ADGRB3: variants seen among roughly 807,000 people sequenced by gnomAD.
ADGRB3 encodes the protein brain-specific angiogenesis inhibitor 3.
A neutral mutation model predicts 193.4 loss-of-function variants in ADGRB3; 37 were observed. The ratio of observed to expected loss-of-function variants is 0.19; its 90% confidence interval spans 0.15 to 0.25. The LOEUF is 0.25. Among genes scored for constraint, ADGRB3 ranks in the 10% least tolerant of loss-of-function variants. The pLI, the probability that ADGRB3 is intolerant of heterozygous loss-of-function variation, is 1.00. For missense variants in ADGRB3, 1,637 were observed against 1,852.9 expected (o/e 0.88, Z 2.14); for synonymous variants, 690 against 644.2 (o/e 1.07, Z -1.08).
chr6:69,308,821 A>G lies in ADGRB3; in HGVS notation c.2815-16051A>G, dbSNP rs1313456299. Among the ~76,000 whole-genome samples the G allele has an allele frequency of 2.0e-5, 3 of 151,650 alleles. No homozygotes were observed. The East Asian group carries it at 5.8e-4, about 30-fold the overall frequency. ...TGCTCCTGCTCCAGCCATCGTGTAA[A>G]CATTCCAGCTGACAACAAGGAGGAA... On this transcript the variant is annotated intron_variant, in intron 20 of 31. Coordinates refer to ENST00000370598, the MANE Select transcript of ADGRB3 (RefSeq NM_001704.3).
At chr6:68,669,604 T>TTG (rs59849376) in intron 3 of ADGRB3, among the ~76,000 whole-genome samples, 8,407 of 134,616 alleles carry the variant, frequency 0.062, 261 homozygotes, top group South Asian at 0.079. Context: ...TAATACTCCA[T>TTG]TGTGTGTGTG....
At chr6:69,193,795 ATAT>A (rs1765245874) in intron 17 of ADGRB3, among the ~76,000 whole-genome samples, 1 of 152,108 alleles carries the variant, frequency 6.6e-6, no homozygotes, top group Admixed American at 6.6e-5. Context: ...GGGGCAAGAA[ATAT>A]TATGTGAACT....
chr6:68,958,102 G>A (rs758474834), intron 8 of ADGRB3, among the ~76,000 whole-genome samples: 6 of 152,112 alleles, frequency 3.9e-5, no homozygotes, highest in Admixed American at 6.5e-5. Flanking sequence ...GCAGGAGGCT[G>A]AGGAAGGAGA....
intron 26 of ADGRB3, among the ~76,000 whole-genome samples, chr6:69,346,420 A>G (rs1769090163): frequency 6.6e-6 from 1 of 151,924 alleles, no homozygotes; most frequent in Admixed American, 6.6e-5. Flanking sequence ...ACTGAGGCCG[A>G]CCTATGGAAT....
In ADGRB3 at chr6:69,110,790, G is replaced by A. The variant is rs145612416; in HGVS notation, c.2480+34752G>A. On this transcript the variant is annotated intron_variant, in intron 17 of 31. Transcript: ENST00000370598. ...GTTTGTGAAGAAAGCAGGAAAATTA[G>A]CAACCTTCTTAAGGTTGATATTTGT... Among the ~76,000 whole-genome samples, 267 of 152,238 alleles carry A rather than the reference G, an allele frequency of 1.8e-3. 1 individual carries two copies. Among genetic ancestry groups the A allele is most frequent in the Non-Finnish European group, 3.0e-3 (206 of 68,008 alleles).
intron 3 of ADGRB3, among the ~76,000 whole-genome samples, chr6:68,888,349 A>G (rs1765971332): frequency 6.6e-6 from 1 of 152,130 alleles, no homozygotes; most frequent in Non-Finnish European, 1.5e-5. Flanking sequence ...TTTGTTTCGT[A>G]ATGGACGGTT....
At chr6:69,043,679 C>T (rs1299193126) in intron 13 of ADGRB3, among the ~76,000 whole-genome samples, 1 of 152,152 alleles carries the variant, frequency 6.6e-6, no homozygotes, top group East Asian at 1.9e-4. Flanking sequence ...ATTCTCAGCT[C>T]TTGATAGTAA....
intron 28 of ADGRB3, among the ~76,000 whole-genome samples, chr6:69,358,533 G>T (rs1259330177): frequency 6.6e-6 from 1 of 151,778 alleles, no homozygotes; most frequent in Non-Finnish European, 1.5e-5. Context: ...TGTTATTGGT[G>T]CCCTTTTCAG....
intron 3 of ADGRB3, among the ~76,000 whole-genome samples, chr6:68,659,775 T>G (rs1405838428): frequency 1.3e-5 from 2 of 151,082 alleles, no homozygotes; most frequent in Non-Finnish European, 3.0e-5. Context: ...AAAACCATTC[T>G]AGGGCAATTT....
chr6:68,796,071 A>C (rs1582208831), intron 3 of ADGRB3, among the ~76,000 whole-genome samples: 1 of 152,172 alleles, frequency 6.6e-6, no homozygotes, highest in Non-Finnish European at 1.5e-5. Context: ...TTTAGAACCA[A>C]GTATATTTTA....
intron 20 of ADGRB3, among the ~76,000 whole-genome samples, chr6:69,255,444 T>G (rs986409894): frequency 6.6e-6 from 1 of 152,246 alleles, no homozygotes; most frequent in Non-Finnish European, 1.5e-5. Flanking sequence ...TGACTTGCAT[T>G]TCTCTGATGT....
intron 3 of ADGRB3, among the ~76,000 whole-genome samples, chr6:68,839,846 C>G (rs955668644): frequency 6.6e-6 from 1 of 152,184 alleles, no homozygotes; most frequent in African/African-American, 2.4e-5. Context: ...CAACCCTCCC[C>G]TGTCTTATGG....
intron 13 of ADGRB3, among the ~76,000 whole-genome samples, chr6:69,043,275 G>GGAA: frequency 6.8e-5 from 1 of 14,692 alleles, no homozygotes; most frequent in African/African-American, 1.7e-4. Flanking sequence ...GGAAAGAAAA[G>GGAA]GAAAGGAAGA....
intron 3 of ADGRB3, among the ~76,000 whole-genome samples, chr6:68,768,055 G>GA (rs750177230): frequency 9.9e-5 from 15 of 151,980 alleles, no homozygotes; most frequent in Admixed American, 2.6e-4. Flanking sequence ...CAAACAAATG[G>GA]AAAAAACATT....
intron 31 of ADGRB3, among the ~76,000 whole-genome samples, chr6:69,385,892 T>A (rs1301349507): frequency 6.6e-6 from 1 of 151,994 alleles, no homozygotes; most frequent in East Asian, 1.9e-4. Flanking sequence ...CGCAGGACGA[T>A]GAGTCGCTCC....
Position 68,728,503 on chromosome 6 carries a change from TA to T in ADGRB3, c.757+89076del, listed in dbSNP as rs533054479. ...ACTAATTTCCTTTAAAAACTATTTT[TA>T]AAAACACTCGTGCACACATATAAAC... On this transcript the variant is annotated intron_variant, in intron 3 of 31. Transcript: ENST00000370598. 1.8e-3 allele frequency among the ~76,000 whole-genome samples: 280 copies of T among 151,724 alleles called. 3 individuals carry two copies. The highest frequency in any genetic ancestry group is 6.6e-3 in the African/African-American group (273 of 41,482).
At chr6:68,890,107 T>G (rs1369369434) in intron 3 of ADGRB3, among the ~76,000 whole-genome samples, 1 of 152,170 alleles carries the variant, frequency 6.6e-6, no homozygotes, top group Non-Finnish European at 1.5e-5. Flanking sequence ...TATTTTCTAC[T>G]TGAAATACCT....
rs182723476 is a variant in ADGRB3 at position 68,855,201 on chromosome 6, T to C, written c.758-75358T>C. 2.2e-3 allele frequency among the ~76,000 whole-genome samples: 341 copies of C among 152,324 alleles called. 3 individuals carry two copies. Among genetic ancestry groups the C allele is most frequent in the African/African-American group, 7.7e-3 (318 of 41,568 alleles). ...TCTTAGTAGATATCAACTCCAAATA[T>C]CTTTTAATATCTACAGCAATGGTGA... is the stretch of plus-strand genomic sequence containing the variant. On this transcript the variant is annotated intron_variant, in intron 3 of 31. Coordinates refer to ENST00000370598, the MANE Select transcript of ADGRB3 (RefSeq NM_001704.3).
chr6:68,703,846 C>T (rs1342958696), intron 3 of ADGRB3, among the ~76,000 whole-genome samples: 1 of 152,190 alleles, frequency 6.6e-6, no homozygotes, highest in South Asian at 2.1e-4. Context: ...TAGTCTCGAA[C>T]TCCTGACCTC....
Sources: gnomAD v4.1 joint callset for allele counts (sites outside exome capture counted in the v4.1 genomes callset) on GRCh38, gnomAD v4.1.1 for gene constraint, MANE v1.5 for transcripts, NCBI Gene and HGNC (gene_info 2026-07-23, HGNC 2026-07-21) for gene names.